CD226: variants seen among roughly 807,000 people sequenced by gnomAD.
The protein encoded by CD226 is CD226 antigen.
Under a neutral mutation model 34.9 loss-of-function variants are expected in CD226, and 24 were observed. That is an observed-to-expected ratio of 0.69 (90% CI 0.50 to 0.97). The LOEUF (loss-of-function observed/expected upper bound fraction) is 0.97, where lower values mean the gene tolerates loss of function less well. Among genes scored for constraint, CD226 ranks in the 50% least tolerant of loss-of-function variants. The pLI, the probability that CD226 is intolerant of heterozygous loss-of-function variation, is 0.00. For synonymous variants in CD226, 148 were observed against 147.4 expected, an observed-to-expected ratio of 1.00 and a Z score of -0.03; for missense variants, 397 against 412.7, an observed-to-expected ratio of 0.96 and a Z score of 0.33.
intron 2 of CD226, among the ~76,000 whole-genome samples, chr18:69,904,691 TACTG>T (rs1339133672): frequency 4.6e-5 from 7 of 152,192 alleles, no homozygotes; most frequent in African/African-American, 7.2e-5. Flanking sequence ...CCAGAAAAAT[TACTG>T]ACTAATGGGA....
At chr18:69,881,810 C>T (rs1201368462) in intron 3 of CD226, among the ~76,000 whole-genome samples, 1 of 152,088 alleles carries the variant, frequency 6.6e-6, no homozygotes, top group Non-Finnish European at 1.5e-5. Flanking sequence ...CTTGGCAGAC[C>T]ACCGGAAATA....
chr18:69,866,445 T>C (rs1320803286), intron 5 of CD226, among the ~76,000 whole-genome samples: 4 of 152,010 alleles, frequency 2.6e-5, no homozygotes, highest in Non-Finnish European at 5.9e-5. Flanking sequence ...CAAGGCAGAA[T>C]AAGGAAGAAA....
intron 3 of CD226, among the ~76,000 whole-genome samples, chr18:69,875,121 CTTTA>C (rs1490870142): frequency 6.6e-6 from 1 of 152,184 alleles, no homozygotes; most frequent in African/African-American, 2.4e-5. Flanking sequence ...CATATGATAG[CTTTA>C]TTTATTTTAT....
At chr18:69,955,483 G>T (rs566874973) in intron 1 of CD226, among the ~76,000 whole-genome samples, 1 of 152,268 alleles carries the variant, frequency 6.6e-6, no homozygotes, top group African/African-American at 2.4e-5. Flanking sequence ...GTGAGAGGTC[G>T]TTTGCTCCCT....
chr18:69,884,509 C>T (rs148953262), intron 3 of CD226, among the ~76,000 whole-genome samples: 7 of 152,314 alleles, frequency 4.6e-5, no homozygotes, highest in Non-Finnish European at 8.8e-5. Context: ...ATCTTTTTAA[C>T]GGCCAGATAA....
Position 69,867,394 on chromosome 18 carries a change from C to A in CD226, c.848G>T (p.Arg283Ile). 1 of 1,533,954 alleles carries A rather than the reference C, an allele frequency of 6.5e-7. No homozygotes were observed. Among genetic ancestry groups the A allele is most frequent in the Non-Finnish European group, 9.0e-7 (1 of 1,107,394 alleles). The change falls in exon 5 of 6, where the codon AGA becomes ATA. Residue 283 changes from arginine to isoleucine, a missense_variant. Physicochemically the swap from Arg to Ile is moderately conservative, Grantham distance 97. Transcript: ENST00000582621. ...IFLNRRRRRERRDLFTESWDT... is the reference protein window; with the variant it reads ...IFLNRRRRREIRDLFTESWDT... ...CCAGGACTCTGTAAATAGATCTCTT[C>A]TCTCTCTCCTTCTCCTTCTGGAATG...
upstream of CD226, among the ~76,000 whole-genome samples, chr18:69,959,644 CAT>C (rs66494835): frequency 0.76 from 115,151 of 151,824 alleles, 51,062 homozygotes; most frequent in East Asian, 1. Context: ...AAAAAACAAT[CAT>C]AGTTATTTTT....
At chr18:69,937,323 G>C (rs556245821) in intron 2 of CD226, among the ~76,000 whole-genome samples, 13 of 152,198 alleles carry the variant, frequency 8.5e-5, no homozygotes, top group Admixed American at 4.6e-4. Flanking sequence ...CTACTATCTA[G>C]AAAATAGCTG....
chr18:69,914,153 T>C lies in CD226; in HGVS notation c.383-18108A>G, dbSNP rs535627467. ...TTGGCTTGTATGTATTATGTCAGAA[T>C]GTGAAAAATCTCTGGCTCTGAAATT... On this transcript the variant is annotated intron_variant, in intron 2 of 5. Coordinates refer to ENST00000582621, the MANE Select transcript of CD226 (RefSeq NM_001303618.2). Among the ~76,000 whole-genome samples, 151 of 152,356 alleles carry C rather than the reference T, an allele frequency of 9.9e-4. 3 individuals carry two copies. The highest frequency in any genetic ancestry group is 1.3e-3 in the Admixed American group (20 of 15,306).
At chr18:69,880,460 C>T (rs1186409445) in intron 3 of CD226, among the ~76,000 whole-genome samples, 4 of 151,792 alleles carry the variant, frequency 2.6e-5, no homozygotes, top group South Asian at 2.1e-4. Context: ...AGAGAACCCT[C>T]GCACACTGTT....
intron 2 of CD226, among the ~76,000 whole-genome samples, chr18:69,908,938 TTTATCCTGTGATGCCACC>T (rs1444454010): frequency 6.6e-6 from 1 of 152,242 alleles, no homozygotes; most frequent in African/African-American, 2.4e-5. Flanking sequence ...TCCTTCAAAA[TTTATCCTGTGATGCCACC>T]TTATCCTGTG....
intron 2 of CD226, among the ~76,000 whole-genome samples, chr18:69,921,896 T>A (rs1277062141): frequency 2.0e-5 from 3 of 152,196 alleles, no homozygotes; most frequent in African/African-American, 7.2e-5. Context: ...TGAATTTTTG[T>A]TTCTTTGTTT....
chr18:69,944,890 C>T (rs2055770530), intron 2 of CD226, among the ~76,000 whole-genome samples: 1 of 152,190 alleles, frequency 6.6e-6, no homozygotes, highest in Non-Finnish European at 1.5e-5. Flanking sequence ...CTATAAGCCT[C>T]AGCTATATAC....
At position 69,947,748 on chromosome 18, in the gene CD226, A is replaced by AC; in HGVS notation, c.-343_-342insG. ...GGCAATGAGGATACAATAATACAAAAAAAAAAAAATATTGCCATGATAGAA... is the reference window on the plus strand; with the variant it reads ...GGCAATGAGGATACAATAATACAAAACAAAAAAAAATATTGCCATGATAGAA... On this transcript the variant is annotated 5_prime_UTR_variant, in exon 1 of 6. An upstream open reading frame in the 5' UTR gains an earlier in-frame stop. Coordinates refer to ENST00000582621, the MANE Select transcript of CD226 (RefSeq NM_001303618.2). The AC allele has an allele frequency of 5.6e-6, 1 of 179,358 alleles. No homozygotes were observed. Among genetic ancestry groups the AC allele is most frequent in the Non-Finnish European group, 1.2e-5 (1 of 86,492 alleles). The allele number at this position is 179,358 out of a possible 1,614,324, so 11.1% of individuals were successfully genotyped here.
chr18:69,928,261 G>A (rs1316508294), intron 2 of CD226, among the ~76,000 whole-genome samples: 3 of 152,144 alleles, frequency 2.0e-5, no homozygotes, highest in Admixed American at 1.3e-4. Flanking sequence ...AGCAATTGGT[G>A]CTGATCATTT....
chr18:69,899,956 C>T (rs768905064), intron 2 of CD226, among the ~76,000 whole-genome samples: 4 of 152,098 alleles, frequency 2.6e-5, no homozygotes, highest in Non-Finnish European at 5.9e-5. Flanking sequence ...ATAAATCATC[C>T]CACTATAAAG....
At chr18:69,958,990 C>G (rs1177258669), upstream of CD226, among the ~76,000 whole-genome samples, 3 of 152,094 alleles carry the variant, frequency 2.0e-5, no homozygotes, top group Non-Finnish European at 4.4e-5. Context: ...CTTGGAGGCT[C>G]TCGAAATATG....
At chr18:69,949,547 A>G (rs186853701), upstream of CD226, among the ~76,000 whole-genome samples, 1 of 152,114 alleles carries the variant, frequency 6.6e-6, no homozygotes, top group Non-Finnish European at 1.5e-5. Flanking sequence ...CTCCTCCTGC[A>G]TTCATATCTT....
chr18:69,953,166 T>G (rs1020242857), intron 1 of CD226, among the ~76,000 whole-genome samples: 10 of 152,202 alleles, frequency 6.6e-5, no homozygotes, highest in Non-Finnish European at 1.3e-4. Context: ...AGTTTAGAGA[T>G]TCTTCAAAAC....
Sources: gnomAD v4.1 joint callset for allele counts (sites outside exome capture counted in the v4.1 genomes callset) on GRCh38, gnomAD v4.1.1 for gene constraint, MANE v1.5 for transcripts, NCBI Gene and HGNC (gene_info 2026-07-23, HGNC 2026-07-21) for gene names.